CDH8: variants seen among roughly 807,000 people sequenced by gnomAD.
CDH8 encodes the protein cadherin-8.
In CDH8, 17 loss-of-function variants were observed where a neutral mutation model predicts 68.1. The ratio of observed to expected loss-of-function variants is 0.25; its 90% CI spans 0.17 to 0.37. The LOEUF (loss-of-function observed/expected upper bound fraction) is 0.37. CDH8 is among the 10% of genes least tolerant of loss of function. The pLI is 1.00. For missense variants in CDH8, 763 were observed against 999.3 expected, an observed-to-expected ratio of 0.76 and a Z score of 3.19; for synonymous variants, 372 against 365.1, an observed-to-expected ratio of 1.02 and a Z score of -0.21.
chr16:61,663,925 T>A (rs1310199330), intron 10 of CDH8, among the ~76,000 whole-genome samples: 1 of 152,028 alleles, frequency 6.6e-6, no homozygotes, highest in African/African-American at 2.4e-5. Context: ...AGAGAGTACA[T>A]TTAGAATTTC....
At chr16:61,738,741 AC>A (rs936176409) in intron 8 of CDH8, among the ~76,000 whole-genome samples, 5 of 152,150 alleles carry the variant, frequency 3.3e-5, no homozygotes, top group Non-Finnish European at 5.9e-5. Context: ...AAGTATGCTT[AC>A]AAATTTGTTG....
At chr16:61,836,540 G>C (rs543883447) in intron 4 of CDH8, among the ~76,000 whole-genome samples, 3 of 151,968 alleles carry the variant, frequency 2.0e-5, no homozygotes, top group Non-Finnish European at 4.4e-5. Flanking sequence ...AACTCTGACT[G>C]CACAAAGCTG....
chr16:61,707,962 C>T (rs13331389), intron 10 of CDH8, among the ~76,000 whole-genome samples: 1,814 of 152,150 alleles, frequency 0.012, 58 homozygotes, highest in African/African-American at 0.042. Flanking sequence ...ATGGACAAGA[C>T]TGTCTAAATG....
At chr16:61,676,857 T>C (rs1001655518) in intron 10 of CDH8, among the ~76,000 whole-genome samples, 2 of 152,052 alleles carry the variant, frequency 1.3e-5, no homozygotes, top group African/African-American at 2.4e-5. Context: ...CTTGCTACCA[T>C]ATGTGTGCAA....
rs550646365 is a variant in CDH8 at position 62,017,321 on chromosome 16, G to T, written c.252+3831C>A. Among the ~76,000 whole-genome samples, 3 of 152,118 alleles carry T rather than the reference G, an allele frequency of 2.0e-5. No individual in the cohort carries two copies. The East Asian group carries it at 5.8e-4, about 30-fold the overall frequency. On this transcript the variant is annotated intron_variant, in intron 2 of 11. Transcript: ENST00000577390. ...GAAAAACAGTCAAGCATAGACAAAG[G>T]GTATGAAATATTAAAGGAGGAACAA... is the stretch of plus-strand genomic sequence containing the variant.
chr16:61,655,403 G>T, intron 11 of CDH8, 67 bp downstream of exon 11: 1 of 1,441,908 alleles, frequency 6.9e-7, no homozygotes, highest in Non-Finnish European at 9.4e-7. Context: ...AGAGTTTTCT[G>T]TCCTTATTTA....
intron 7 of CDH8, among the ~76,000 whole-genome samples, chr16:61,801,576 T>G (rs1386542188): frequency 6.6e-6 from 1 of 152,006 alleles, no homozygotes; most frequent in Non-Finnish European, 1.5e-5. Flanking sequence ...CACTAGGGAG[T>G]GCCAGACAGT....
At chr16:61,770,562 C>T (rs1960751309) in intron 8 of CDH8, among the ~76,000 whole-genome samples, 1 of 151,916 alleles carries the variant, frequency 6.6e-6, no homozygotes, top group South Asian at 2.1e-4. Flanking sequence ...CCAAGATCAA[C>T]AAGTTCCTCC....
chr16:61,764,245 C>A (rs574724537), intron 8 of CDH8, among the ~76,000 whole-genome samples: 1 of 152,158 alleles, frequency 6.6e-6, no homozygotes, highest in East Asian at 1.9e-4. Flanking sequence ...GTCAAAACTC[C>A]AACAAAGATC....
chr16:62,025,030 AAGGTTTAAAAGAAAT>A (rs1902163965), intron 1 of CDH8, among the ~76,000 whole-genome samples: 2 of 152,180 alleles, frequency 1.3e-5, no homozygotes, highest in Admixed American at 1.3e-4. Context: ...GTAGTCTTAG[AAGGTTTAAAAGAAAT>A]ACAGAGTGAT....
intron 10 of CDH8, among the ~76,000 whole-genome samples, chr16:61,705,685 G>A (rs1030567853): frequency 2.6e-5 from 4 of 152,182 alleles, no homozygotes; most frequent in Non-Finnish European, 4.4e-5. Flanking sequence ...GGGAATGATG[G>A]AATCCATGAA....
chr16:61,875,536 G>C (rs1368787196), intron 3 of CDH8, among the ~76,000 whole-genome samples: 1 of 152,136 alleles, frequency 6.6e-6, no homozygotes, highest in Non-Finnish European at 1.5e-5. Flanking sequence ...AACCTAAAAA[G>C]AAGCCACGAA....
intron 3 of CDH8, among the ~76,000 whole-genome samples, chr16:61,862,900 G>C (rs1963177348): frequency 6.6e-6 from 1 of 152,156 alleles, no homozygotes. Flanking sequence ...TTCTCTGTTT[G>C]TGTTTTCATT....
At chr16:61,857,382 G>A (rs1024770989) in intron 3 of CDH8, 144 bp from the exon 4 acceptor site, 5 of 664,766 alleles carry the variant, frequency 7.5e-6, no homozygotes, top group Non-Finnish European at 1.2e-5. Flanking sequence ...AAGATAAACT[G>A]CTCTCTCATA....
chr16:61,837,441 G>T (rs987256197), intron 4 of CDH8, among the ~76,000 whole-genome samples: 2 of 151,990 alleles, frequency 1.3e-5, no homozygotes, highest in Admixed American at 6.6e-5. Context: ...AAAAGAAGCG[G>T]GATGAGCATA....
Position 61,653,071 on chromosome 16 carries a change from C to A in CDH8, c.*537G>T. ...AACAATTATGTACAATGTGTGGTCA[C>A]CGTACTGTATAATCTAGGAGGCCTC... On this transcript the variant is annotated 3_prime_UTR_variant, in exon 12 of 12. Coordinates refer to ENST00000577390, the MANE Select transcript of CDH8 (RefSeq NM_001796.5). 7.4e-7 allele frequency: 1 copy of A among 1,344,468 alleles called. No individual in the cohort carries two copies. The highest frequency in any genetic ancestry group is 9.5e-7 in the Non-Finnish European group (1 of 1,049,646). 83.3% of individuals were successfully genotyped at this position (1,344,468 alleles called of 1,614,324 possible).
intron 10 of CDH8, among the ~76,000 whole-genome samples, chr16:61,659,411 C>T (rs1204104664): frequency 6.6e-6 from 1 of 152,122 alleles, no homozygotes; most frequent in Non-Finnish European, 1.5e-5. Flanking sequence ...CTCCCTGCAG[C>T]GAGCAGTTGG....
intron 8 of CDH8, among the ~76,000 whole-genome samples, chr16:61,772,901 T>C (rs1224556180): frequency 1.3e-5 from 2 of 152,038 alleles, no homozygotes; most frequent in African/African-American, 2.4e-5. Context: ...TGTCATAGAC[T>C]CACTACTCCA....
In CDH8 at chr16:61,875,490, G is replaced by C. The variant is rs149038174; in HGVS notation, c.548-18252C>G. On this transcript the variant is annotated intron_variant, in intron 3 of 11. Coordinates refer to ENST00000577390, the MANE Select transcript of CDH8 (RefSeq NM_001796.5). ...CCAGTGCATTACATGAGCAGGAACGGGACTATTATATTGAATCAACAGAGG... is the reference window on the plus strand; with the variant it reads ...CCAGTGCATTACATGAGCAGGAACGCGACTATTATATTGAATCAACAGAGG... Among the ~76,000 whole-genome samples the C allele has an allele frequency of 5.5e-3, 840 of 152,084 alleles. 6 individuals are homozygous for C. The highest frequency in any genetic ancestry group is 0.019 in the African/African-American group (808 of 41,486).
Sources: gnomAD v4.1 joint callset for allele counts (sites outside exome capture counted in the v4.1 genomes callset) on GRCh38, gnomAD v4.1.1 for gene constraint, MANE v1.5 for transcripts, NCBI Gene and HGNC (gene_info 2026-07-23, HGNC 2026-07-21) for gene names.